Variants in PTH2R observed in about 807,000 individuals in gnomAD.
The protein encoded by PTH2R is parathyroid hormone 2 receptor.
PTH2R carries 59 observed loss-of-function variants against 60.3 expected under a neutral mutation model. The observed-to-expected ratio is 0.98, with a 90% confidence interval of 0.79 to 1.22. The LOEUF (loss-of-function observed/expected upper bound fraction) is 1.22. Among genes scored for constraint, PTH2R ranks in the 50% most tolerant of loss-of-function variants. The probability of loss-of-function intolerance (pLI) is 0.00; values close to 1 mark genes in which losing one functional copy is unlikely to be tolerated. For missense variants in PTH2R, 749 were observed against 682.6 expected (o/e 1.10, Z -1.08); for synonymous variants, 256 against 243.8 (o/e 1.05, Z -0.47).
At chr2:208,435,418 T>C (rs1295414352) in intron 2 of PTH2R, among the ~76,000 whole-genome samples, 1 of 152,178 alleles carries the variant, frequency 6.6e-6, no homozygotes, top group African/African-American at 2.4e-5. Flanking sequence ...AGGGAGCTTA[T>C]TCTGGATTGT....
intron 1 of PTH2R, among the ~76,000 whole-genome samples, chr2:208,372,199 G>A (rs1700715047): frequency 6.6e-6 from 1 of 152,106 alleles, no homozygotes; most frequent in Non-Finnish European, 1.5e-5. Flanking sequence ...GGGATTACAG[G>A]CATGAGTAGT....
upstream of PTH2R, among the ~76,000 whole-genome samples, chr2:208,402,710 G>T (rs1271578416): frequency 6.6e-6 from 1 of 152,138 alleles, no homozygotes; most frequent in Non-Finnish European, 1.5e-5. Context: ...AACATAAATT[G>T]CTCATAGATA....
chr2:208,469,739 A>G (rs2105895912), intron 9 of PTH2R: 1 of 152,346 alleles, frequency 6.6e-6, no homozygotes, highest in East Asian at 1.9e-4. Flanking sequence ...TTTATCAGAC[A>G]CCTGTGTCAT....
At chr2:208,481,020 A>C in intron 9 of PTH2R, 50 bp from the exon 10 acceptor site, 1 of 1,318,908 alleles carries the variant, frequency 7.6e-7, no homozygotes, top group Non-Finnish European at 1.1e-6. Flanking sequence ...ATGTTTATAA[A>C]AATCTTGAAG....
chr2:208,397,360 AC>A (rs1278208704), intron 1 of PTH2R, among the ~76,000 whole-genome samples: 1 of 151,958 alleles, frequency 6.6e-6, no homozygotes, highest in Non-Finnish European at 1.5e-5. Context: ...TTTTAAGCTT[AC>A]TCCCATACTT....
intron 9 of PTH2R, among the ~76,000 whole-genome samples, chr2:208,477,581 C>T (rs76493996): frequency 1.3e-5 from 2 of 151,750 alleles, no homozygotes; most frequent in South Asian, 2.1e-4. Flanking sequence ...CAAAAAAAAA[C>T]CCCTCTACCC....
chr2:208,402,314 T>A (rs1574840945), upstream of PTH2R, among the ~76,000 whole-genome samples: 1 of 152,194 alleles, frequency 6.6e-6, no homozygotes, highest in East Asian at 1.9e-4. Flanking sequence ...CCTGTAGCTA[T>A]TTTTATATTA....
chr2:208,428,438 C>A, intron 2 of PTH2R, 135 bp downstream of exon 2: 1 of 636,986 alleles, frequency 1.6e-6, no homozygotes, highest in Non-Finnish European at 2.8e-6. Context: ...GGGTGTGCAG[C>A]AGAACAACAA....
upstream of PTH2R, among the ~76,000 whole-genome samples, chr2:208,406,352 C>T (rs906553919): frequency 1.3e-5 from 2 of 152,138 alleles, no homozygotes; most frequent in African/African-American, 4.8e-5. Flanking sequence ...TTCTACTTAA[C>T]ACACACCGAG....
chr2:208,481,047 T>A (rs757462847), intron 9 of PTH2R, 23 bp from the exon 10 acceptor site: 1 of 1,468,340 alleles, frequency 6.8e-7, no homozygotes, highest in East Asian at 2.3e-5. Flanking sequence ...AATAATTCTT[T>A]GTAATCTTAC....
At chr2:208,367,169 C>G (rs1174114914) in intron 1 of PTH2R, among the ~76,000 whole-genome samples, 1 of 151,994 alleles carries the variant, frequency 6.6e-6, no homozygotes, top group African/African-American at 2.4e-5. Context: ...TCTCTGCTCA[C>G]TGCAGCCTCT....
At chr2:208,432,612 C>A (rs1701994161) in intron 2 of PTH2R, among the ~76,000 whole-genome samples, 1 of 152,056 alleles carries the variant, frequency 6.6e-6, no homozygotes. Context: ...CATGATAGGC[C>A]ATCTGCAAGC....
chr2:208,366,168 G>T (rs1700589287), intron 1 of PTH2R, among the ~76,000 whole-genome samples: 1 of 150,484 alleles, frequency 6.6e-6, no homozygotes, highest in Admixed American at 6.6e-5. Flanking sequence ...AAGTCTTCTA[G>T]TCCTGGGCTT....
At chr2:208,364,646 T>C (rs964489035) in intron 1 of PTH2R, among the ~76,000 whole-genome samples, 21 of 152,296 alleles carry the variant, frequency 1.4e-4, no homozygotes, top group African/African-American at 4.8e-4. Context: ...ATTGTTTGAC[T>C]CTTAGGGCCC....
rs755669399 is a variant in PTH2R at position 208,489,126 on chromosome 2, T to C, written c.1191T>C (p.Cys397=). ...TCGGGTGGGAGATCCGCATGCACTG[T>C]GAGCTCTTCTTCAACTCCTTTCAGG... ...TGLGWEIRMH[C]ELFFNSFQGF... is the part of the protein sequence containing the mutation. The change falls in exon 11 of 13, where the codon TGT becomes TGC. Residue 397 remains cysteine, a synonymous_variant. Coordinates refer to ENST00000272847, the MANE Select transcript of PTH2R (RefSeq NM_005048.4). 6.2e-7 allele frequency: 1 copy of C among 1,614,180 alleles called. No homozygotes were observed. The highest frequency in any genetic ancestry group is 8.5e-7 in the Non-Finnish European group (1 of 1,180,018).
chr2:208,391,564 CT>C lies in PTH2R; in HGVS notation c.-259+31329del, dbSNP rs375496019. 4.1e-3 allele frequency among the ~76,000 whole-genome samples: 626 copies of C among 152,312 alleles called. 2 individuals carry two copies. Among genetic ancestry groups the C allele is most frequent in the Non-Finnish European group, 6.9e-3 (471 of 68,036 alleles). ...TTTAGCTTGTCAAAGGCCTTTTGAA[CT>C]TCAGGTTTCCAGGTTAAAAGATGAG... is the stretch of plus-strand genomic sequence containing the variant. On this transcript the variant is annotated intron_variant, in intron 1 of 12. Transcript: ENST00000617735.
At chr2:208,443,990 A>G (rs1281903886) in intron 6 of PTH2R, among the ~76,000 whole-genome samples, 1 of 152,216 alleles carries the variant, frequency 6.6e-6, no homozygotes, top group Non-Finnish European at 1.5e-5. Flanking sequence ...GTGGTAGTAA[A>G]TAGATTGATC....
chr2:208,411,119 G>A (rs554595747), intron 1 of PTH2R, among the ~76,000 whole-genome samples: 3 of 152,274 alleles, frequency 2.0e-5, no homozygotes, highest in East Asian at 1.9e-4. Flanking sequence ...GGTGGCACAC[G>A]TCTGTAGTTC....
chr2:208,387,671 T>C (rs1701026606), intron 1 of PTH2R, among the ~76,000 whole-genome samples: 2 of 152,244 alleles, frequency 1.3e-5, no homozygotes, highest in South Asian at 4.1e-4. Flanking sequence ...CAAAATAACA[T>C]TCAGGTGATT....
Sources: gnomAD v4.1 joint callset for allele counts (sites outside exome capture counted in the v4.1 genomes callset) on GRCh38, gnomAD v4.1.1 for gene constraint, MANE v1.5 for transcripts, NCBI Gene and HGNC (gene_info 2026-07-23, HGNC 2026-07-21) for gene names.